NBEAL1: variants seen among roughly 807,000 people sequenced by gnomAD.
NBEAL1 encodes neurobeachin like 1, also known as neurobeachin-like protein 1.
Under a neutral mutation model 351.3 loss-of-function variants are expected in NBEAL1, and 273 were observed. The ratio of observed to expected loss-of-function variants is 0.78; its 90% CI spans 0.70 to 0.86. The LOEUF is 0.86. Ranked by LOEUF, NBEAL1 falls within the 40% of genes least tolerant of loss-of-function variation. The pLI, the probability that NBEAL1 is intolerant of heterozygous loss-of-function variation, is 0.00. For synonymous variants in NBEAL1, 1,050 were observed against 1,086.4 expected (o/e 0.97, Z 0.66); for missense variants, 2,961 against 3,201.3 (o/e 0.92, Z 1.81).
intron 7 of NBEAL1, among the ~76,000 whole-genome samples, chr2:203,070,339 TTCTCTCTC>T (rs1227694604): frequency 6.6e-6 from 1 of 150,514 alleles, no homozygotes; most frequent in African/African-American, 2.4e-5. Flanking sequence ...TAACTTGTAT[TTCTCTCTC>T]TCTCTCTCTC....
intron 2 of NBEAL1, chr2:203,040,202 A>G (rs757922585): frequency 2.4e-4 from 349 of 1,473,984 alleles, no homozygotes; most frequent in Non-Finnish European, 3.1e-4. Flanking sequence ...ACTCAGGCAA[A>G]GCAGGCACTT....
intron 7 of NBEAL1, among the ~76,000 whole-genome samples, chr2:203,072,775 CAA>C (rs915717879): frequency 2.0e-5 from 3 of 152,176 alleles, no homozygotes; most frequent in Admixed American, 6.5e-5. Flanking sequence ...GCATGCACCT[CAA>C]AACTCTTCCA....
chr2:203,114,457 A>G (rs2062644141), intron 17 of NBEAL1, among the ~76,000 whole-genome samples: 1 of 152,186 alleles, frequency 6.6e-6, no homozygotes, highest in Non-Finnish European at 1.5e-5. Context: ...AGAATTAGGG[A>G]ACCTTGGATA....
At chr2:203,191,020 A>G in intron 46 of NBEAL1, 1 of 1,603,214 alleles carries the variant, frequency 6.2e-7, no homozygotes, top group East Asian at 2.2e-5. Flanking sequence ...CTCTGCCCTG[A>G]TCATCAAAGC....
chr2:203,121,144 A>G (rs1281638896), intron 18 of NBEAL1, among the ~76,000 whole-genome samples: 2 of 152,228 alleles, frequency 1.3e-5, no homozygotes, highest in African/African-American at 4.8e-5. Flanking sequence ...TTGTCTGGCA[A>G]CAACATGAGG....
Position 203,218,658 on chromosome 2 carries a change from T to G in NBEAL1, c.*1304T>G, listed in dbSNP as rs1437094357. The G allele has an allele frequency of 6.6e-6, 1 of 152,202 alleles. No individual in the cohort carries two copies. Among genetic ancestry groups the G allele is most frequent in the Non-Finnish European group, 1.5e-5 (1 of 68,030 alleles). 9.4% of individuals were successfully genotyped at this position (152,202 alleles called of 1,614,324 possible). A position where few individuals can be genotyped will look rare whatever the true frequency, so the allele number is the denominator to read the frequency against. Reference sequence around the variant, plus strand: ...TAGATGTCCTTAAATCCAATTGTCTTCTCAGTTGAATCTTAGAGAAATTTT... The same window carrying G: ...TAGATGTCCTTAAATCCAATTGTCTGCTCAGTTGAATCTTAGAGAAATTTT... On this transcript the variant is annotated 3_prime_UTR_variant, in exon 56 of 56. Coordinates refer to ENST00000683969, the MANE Select transcript of NBEAL1 (RefSeq NM_001378026.1).
chr2:203,083,407 C>T lies in NBEAL1; in HGVS notation c.873C>T (p.Thr291=). The T allele has an allele frequency of 6.4e-7, 1 of 1,554,984 alleles. No individual in the cohort carries two copies. The highest frequency in any genetic ancestry group is 1.2e-5 in the South Asian group (1 of 84,342). ...ACTCTGATCAGCGTCAAGTGGAAAC[C>T]AGTACTATTCTGGAGAACTATTTTA... The part of the protein sequence containing the change: ...SSNSDQRQVE[T]STILENYFKL... The change falls in exon 9 of 56, where the codon ACC becomes ACT. Residue 291 remains threonine (T), a synonymous_variant. Transcript: ENST00000683969.
intron 2 of NBEAL1, among the ~76,000 whole-genome samples, chr2:203,039,304 C>G (rs1410435239): frequency 3.1e-5 from 1 of 32,250 alleles, no homozygotes; most frequent in Non-Finnish European, 5.9e-5. Context: ...TCCCCCTGGC[C>G]CTCCCCTCCC....
intron 19 of NBEAL1, 38 bp from the exon 20 acceptor site, chr2:203,125,314 C>A: frequency 1.5e-6 from 2 of 1,355,530 alleles, no homozygotes; most frequent in Non-Finnish European, 1.9e-6. Context: ...AAATTGTCCT[C>A]CTTTTATAAG....
At chr2:203,171,623 A>G (rs1451917877) in intron 39 of NBEAL1, among the ~76,000 whole-genome samples, 1 of 151,964 alleles carries the variant, frequency 6.6e-6, no homozygotes, top group East Asian at 1.9e-4. Context: ...ATAAATAAAT[A>G]AAATAAAAAT....
chr2:203,126,454 T>A (rs866508480), intron 21 of NBEAL1, 103 bp from the exon 22 acceptor site: 16 of 962,036 alleles, frequency 1.7e-5, no homozygotes, highest in Middle Eastern at 3.4e-4. Flanking sequence ...TGGGTTTTTC[T>A]ATTTTTATAC....
intron 1 of NBEAL1, among the ~76,000 whole-genome samples, chr2:203,015,331 G>A (rs2060659644): frequency 6.6e-6 from 1 of 152,184 alleles, no homozygotes; most frequent in Non-Finnish European, 1.5e-5. Flanking sequence ...ACTTCTCTTG[G>A]ATGGAAAGGT....
chr2:203,100,342 C>T (rs1470971850), intron 12 of NBEAL1, among the ~76,000 whole-genome samples: 1 of 152,132 alleles, frequency 6.6e-6, no homozygotes, highest in Non-Finnish European at 1.5e-5. Flanking sequence ...TACATAATGG[C>T]TGAGCTAATT....
intron 48 of NBEAL1, among the ~76,000 whole-genome samples, chr2:203,198,692 T>C (rs1173125144): frequency 6.6e-6 from 1 of 151,492 alleles, no homozygotes; most frequent in East Asian, 1.9e-4. Flanking sequence ...CAAAACCCCA[T>C]CTCCACTAAA....
chr2:203,211,737 G>A lies in NBEAL1; in HGVS notation c.7934+631G>A, dbSNP rs2065794480. 3.3e-5 allele frequency among the ~76,000 whole-genome samples: 5 copies of A among 152,234 alleles called. No homozygotes were observed. The South Asian group carries it at 1.0e-3, about 32-fold the overall frequency. On this transcript the variant is annotated intron_variant, in intron 54 of 55. Coordinates refer to ENST00000683969, the MANE Select transcript of NBEAL1 (RefSeq NM_001378026.1). ...TGGAAATTTGTCCAAATGATGGTTT[G>A]AATTTTTATAAAGTTTTTCTTAACT... is the stretch of plus-strand genomic sequence containing the variant.
intron 50 of NBEAL1, 123 bp from the exon 51 acceptor site, chr2:203,202,564 T>C (rs780780255): frequency 7.6e-6 from 5 of 658,932 alleles, no homozygotes; most frequent in Non-Finnish European, 1.4e-5. Context: ...CAGTACCATG[T>C]CTACATTCCT....
At chr2:203,132,670 T>A (rs145551055) in intron 26 of NBEAL1, among the ~76,000 whole-genome samples, 1 of 152,270 alleles carries the variant, frequency 6.6e-6, no homozygotes, top group East Asian at 1.9e-4. Context: ...ATGCCCTGCT[T>A]CTAATTTTTT....
At chr2:203,160,687 G>T (rs1314759706) in intron 36 of NBEAL1, among the ~76,000 whole-genome samples, 1 of 152,030 alleles carries the variant, frequency 6.6e-6, no homozygotes, top group Non-Finnish European at 1.5e-5. Flanking sequence ...ATCTCCCTCT[G>T]TTATGGTTGT....
chr2:203,193,362 A>T (rs2065149264), intron 46 of NBEAL1, among the ~76,000 whole-genome samples: 1 of 152,190 alleles, frequency 6.6e-6, no homozygotes, highest in Non-Finnish European at 1.5e-5. Context: ...TTTACCAAGC[A>T]TCTAACGTGT....
Sources: allele counts gnomAD v4.1 joint callset (sites outside exome capture counted in the v4.1 genomes callset), GRCh38; gene constraint gnomAD v4.1.1; transcripts MANE v1.5; gene names NCBI Gene and HGNC (gene_info 2026-07-23, HGNC 2026-07-21).